The following MPPED2 variants were observed in gnomAD, a reference collection of about 807,000 sequenced individuals.
MPPED2 encodes the protein metallophosphoesterase MPPED2.
MPPED2 carries 5 observed loss-of-function variants against 33.0 expected under a neutral mutation model. The ratio of observed to expected loss-of-function variants is 0.15; its 90% confidence interval spans 0.08 to 0.32. MPPED2 has a LOEUF of 0.32. Ranked by LOEUF, MPPED2 falls within the 10% of genes least tolerant of loss-of-function variation. The pLI, the probability that MPPED2 is intolerant of heterozygous loss-of-function variation, is 1.00. For synonymous variants in MPPED2, 136 were observed against 141.9 expected, an observed-to-expected ratio of 0.96 and a Z score of 0.29; for missense variants, 275 against 372.1, an observed-to-expected ratio of 0.74 and a Z score of 2.15.
chr11:30,568,350 C>T (rs928955288), intron 2 of MPPED2, among the ~76,000 whole-genome samples: 2 of 152,130 alleles, frequency 1.3e-5, no homozygotes, highest in Non-Finnish European at 2.9e-5. Context: ...AATGCTCCCT[C>T]TAAAATACAA....
At chr11:30,518,203 C>T (rs1247741133) in intron 3 of MPPED2, among the ~76,000 whole-genome samples, 2 of 152,208 alleles carry the variant, frequency 1.3e-5, no homozygotes, top group Non-Finnish European at 2.9e-5. Flanking sequence ...TCCAGCCTCT[C>T]TGAGACACAT....
At chr11:30,544,691 A>G (rs1260961325) in intron 2 of MPPED2, among the ~76,000 whole-genome samples, 2 of 152,242 alleles carry the variant, frequency 1.3e-5, no homozygotes, top group Admixed American at 1.3e-4. Context: ...GATTTATGAA[A>G]TAATGCACAA....
intron 2 of MPPED2, among the ~76,000 whole-genome samples, chr11:30,577,514 T>G (rs1258201333): frequency 6.6e-6 from 1 of 152,168 alleles, no homozygotes; most frequent in Non-Finnish European, 1.5e-5. Flanking sequence ...TGCCATGACA[T>G]GTTGAAATTT....
chr11:30,488,489 G>C (rs970940755), intron 4 of MPPED2, among the ~76,000 whole-genome samples: 2 of 152,198 alleles, frequency 1.3e-5, no homozygotes, highest in African/African-American at 4.8e-5. Context: ...GGCTGAATTG[G>C]ACAGAGCTGG....
intron 4 of MPPED2, among the ~76,000 whole-genome samples, chr11:30,486,787 T>A (rs1951761960): frequency 6.6e-6 from 1 of 152,232 alleles, no homozygotes; most frequent in Non-Finnish European, 1.5e-5. Context: ...ACATGTACCT[T>A]GTTAACACAT....
intron 4 of MPPED2, among the ~76,000 whole-genome samples, chr11:30,463,661 G>T (rs865939885): frequency 6.6e-6 from 1 of 152,180 alleles, no homozygotes. Context: ...TGTAAAGGAA[G>T]AAACAGTATC....
chr11:30,501,182 T>A (rs1414972163), intron 3 of MPPED2, among the ~76,000 whole-genome samples: 1 of 152,232 alleles, frequency 6.6e-6, no homozygotes, highest in Non-Finnish European at 1.5e-5. Context: ...TATGTTATTG[T>A]CATGACCATC....
At chr11:30,530,263 T>C (rs967800620) in intron 3 of MPPED2, among the ~76,000 whole-genome samples, 2 of 152,142 alleles carry the variant, frequency 1.3e-5, no homozygotes, top group Non-Finnish European at 2.9e-5. Context: ...GCACTATACA[T>C]ACATAATTTT....
At chr11:30,512,396 C>A (rs1953263499) in intron 3 of MPPED2, among the ~76,000 whole-genome samples, 1 of 152,154 alleles carries the variant, frequency 6.6e-6, no homozygotes, top group Non-Finnish European at 1.5e-5. Context: ...CAGATCATTT[C>A]TCGTTGCATG....
chr11:30,469,606 T>C (rs1950863896), intron 4 of MPPED2, among the ~76,000 whole-genome samples: 1 of 152,210 alleles, frequency 6.6e-6, no homozygotes, highest in East Asian at 1.9e-4. Context: ...TAGCCTCCTT[T>C]TCTATAGTTA....
chr11:30,526,952 T>A (rs1954223978), intron 3 of MPPED2, among the ~76,000 whole-genome samples: 1 of 151,922 alleles, frequency 6.6e-6, no homozygotes, highest in African/African-American at 2.4e-5. Context: ...TCGCCCAGGC[T>A]ACAGTGCAGT....
intron 6 of MPPED2, among the ~76,000 whole-genome samples, chr11:30,404,111 A>C (rs1241606772): frequency 1.3e-5 from 2 of 152,168 alleles, no homozygotes; most frequent in African/African-American, 4.8e-5. Context: ...CACCATGGAG[A>C]CCTGGCCTAG....
downstream of MPPED2, among the ~76,000 whole-genome samples, chr11:30,407,920 TA>T (rs1272763112): frequency 4.6e-5 from 7 of 151,928 alleles, no homozygotes; most frequent in Non-Finnish European, 8.8e-5. Context: ...AAATTAAATA[TA>T]TTTTTTTAAA....
rs561277903 is a variant in MPPED2 at position 30,528,310 on chromosome 11, C to T, written c.310+7684G>A. On this transcript the variant is annotated intron_variant, in intron 3 of 6. Coordinates refer to ENST00000358117, the MANE Select transcript of MPPED2 (RefSeq NM_001584.3). ...TCGCTCTGTTGCCCAGGCTAGAGTGCAGTAGCACGATCTTGGCTCACTGCA... is the reference window on the plus strand; with the variant it reads ...TCGCTCTGTTGCCCAGGCTAGAGTGTAGTAGCACGATCTTGGCTCACTGCA... 5.9e-5 allele frequency among the ~76,000 whole-genome samples: 9 copies of T among 152,270 alleles called. No homozygotes were observed. The South Asian group carries it at 1.9e-3, about 32-fold the overall frequency.
intron 2 of MPPED2, among the ~76,000 whole-genome samples, chr11:30,553,537 AG>A (rs1406308732): frequency 2.0e-5 from 3 of 152,246 alleles, no homozygotes; most frequent in Non-Finnish European, 2.9e-5. Flanking sequence ...AAGCAGTTAA[AG>A]GTTAAGCAAA....
At chr11:30,427,263 A>C (rs1178615154) in intron 4 of MPPED2, among the ~76,000 whole-genome samples, 2 of 152,182 alleles carry the variant, frequency 1.3e-5, no homozygotes, top group Non-Finnish European at 2.9e-5. Context: ...AACTGATGAA[A>C]TCTCTGCCCC....
At chr11:30,427,047 AC>A (rs771547128) in intron 4 of MPPED2, among the ~76,000 whole-genome samples, 19 of 152,190 alleles carry the variant, frequency 1.2e-4, no homozygotes, top group Admixed American at 5.9e-4. Context: ...ACTGCCAAGT[AC>A]TCAGGAAACT....
intron 2 of MPPED2, among the ~76,000 whole-genome samples, chr11:30,570,068 C>A (rs1000951633): frequency 2.6e-5 from 4 of 152,140 alleles, no homozygotes; most frequent in African/African-American, 9.7e-5. Flanking sequence ...CCATTATATT[C>A]CCTGCCTACC....
At chr11:30,468,221 G>A (rs1316473018) in intron 4 of MPPED2, among the ~76,000 whole-genome samples, 1 of 143,758 alleles carries the variant, frequency 7.0e-6, no homozygotes. Flanking sequence ...CACAAATATG[G>A]CATACTATAC....
Sources: gnomAD v4.1 joint callset for allele counts (sites outside exome capture counted in the v4.1 genomes callset) on GRCh38, gnomAD v4.1.1 for gene constraint, MANE v1.5 for transcripts, NCBI Gene and HGNC (gene_info 2026-07-23, HGNC 2026-07-21) for gene names.